Variants in PPFIA2 observed in about 807,000 individuals in gnomAD.
PPFIA2 encodes the protein PPFI scaffold protein A2, also known as liprin-alpha-2.
PPFIA2 carries 46 observed loss-of-function variants against 175.5 expected under a neutral mutation model. The observed-to-expected ratio is 0.26, with a 90% CI of 0.21 to 0.34. PPFIA2 has a LOEUF of 0.34. PPFIA2 is among the 10% of genes least tolerant of loss of function. PPFIA2 has a pLI of 1.00. For missense variants in PPFIA2, 1,179 were observed against 1,506.1 expected (o/e 0.78, Z 3.60); for synonymous variants, 568 against 511.4 (o/e 1.11, Z -1.49).
At chr12:81,577,530 A>G (rs768153861) in intron 4 of PPFIA2, among the ~76,000 whole-genome samples, 15 of 151,960 alleles carry the variant, frequency 9.9e-5, no homozygotes, top group Non-Finnish European at 2.1e-4. Flanking sequence ...CTGTTGACAA[A>G]CAACATAGAA....
chr12:81,384,280 T>A (rs1442378678), intron 8 of PPFIA2, 36 bp from the exon 9 acceptor site: 1 of 1,294,848 alleles, frequency 7.7e-7, no homozygotes, highest in Non-Finnish European at 1.0e-6. Context: ...ACTTAAGAAT[T>A]TTCATCTTTA....
intron 21 of PPFIA2, among the ~76,000 whole-genome samples, chr12:81,332,331 A>G (rs571199566): frequency 6.6e-6 from 1 of 151,926 alleles, no homozygotes; most frequent in Non-Finnish European, 1.5e-5. Context: ...TTCCTATTTA[A>G]CCACAGAAAA....
rs192789023 is a variant in PPFIA2 at position 81,631,759 on chromosome 12, T to C, written c.303+45032A>G. On this transcript the variant is annotated intron_variant, in intron 4 of 32. Coordinates refer to ENST00000549396, the MANE Select transcript of PPFIA2 (RefSeq NM_003625.5). ...TTGCAAATATATCCAAGAGCAAGAC[T>C]GGCTCTGACCTATTGGACTTACAGT... 2.4e-3 allele frequency among the ~76,000 whole-genome samples: 365 copies of C among 152,326 alleles called. 1 individual carries two copies. Among genetic ancestry groups the C allele is most frequent in the Admixed American group, 9.0e-3 (137 of 15,300 alleles).
chr12:81,411,601 C>A (rs1435872975), intron 7 of PPFIA2, among the ~76,000 whole-genome samples: 1 of 152,054 alleles, frequency 6.6e-6, no homozygotes, highest in East Asian at 1.9e-4. Flanking sequence ...TTTCTACCAG[C>A]TTGAACACTA....
intron 28 of PPFIA2, among the ~76,000 whole-genome samples, chr12:81,276,334 G>T (rs970395882): frequency 2.6e-5 from 4 of 152,116 alleles, no homozygotes; most frequent in Non-Finnish European, 5.9e-5. Context: ...ACATCATTCA[G>T]GGGATGGGTA....
chr12:81,702,446 A>T (rs569282821), intron 3 of PPFIA2, among the ~76,000 whole-genome samples: 1 of 152,270 alleles, frequency 6.6e-6, no homozygotes, highest in Non-Finnish European at 1.5e-5. Flanking sequence ...AATCTTGTCT[A>T]TATCACCAAA....
At position 81,281,303 on chromosome 12, in the gene PPFIA2, T is replaced by A; in HGVS notation, c.3166A>T (p.Lys1056Ter). 6.2e-7 allele frequency: 1 copy of A among 1,611,304 alleles called. No individual in the cohort carries two copies. The highest frequency in any genetic ancestry group is 8.5e-7 in the Non-Finnish European group (1 of 1,178,222). The change falls in exon 27 of 33, where the codon AAA (lysine) becomes TAA (stop). Residue 1056 changes from lysine to a stop codon, truncating the protein, a stop_gained. Transcript: ENST00000549396. LOFTEE classifies it high-confidence loss of function. ...TTTAAATGGACACGGAGATCTTTTT[T>A]TGTTAGGTGATCTAACATTCTTGCA... ...VDARMLDHLT[K>*]KDLRVHLKMV...
chr12:81,531,844 G>A (rs2064615325), intron 4 of PPFIA2, among the ~76,000 whole-genome samples: 1 of 151,752 alleles, frequency 6.6e-6, no homozygotes, highest in African/African-American at 2.4e-5. Flanking sequence ...AATAATAATG[G>A]TACTGGTAAG....
intron 15 of PPFIA2, among the ~76,000 whole-genome samples, chr12:81,361,276 A>C (rs2030143698): frequency 6.6e-6 from 1 of 151,678 alleles, no homozygotes; most frequent in African/African-American, 2.4e-5. Context: ...TTGATTTGAT[A>C]ATGCTTATTC....
At chr12:81,661,035 C>T (rs917663235) in intron 4 of PPFIA2, among the ~76,000 whole-genome samples, 39 of 152,190 alleles carry the variant, frequency 2.6e-4, no homozygotes, top group Non-Finnish European at 4.3e-4. Flanking sequence ...ACTAAAAGAG[C>T]TCCTGAAGGA....
intron 3 of PPFIA2, among the ~76,000 whole-genome samples, chr12:81,716,546 G>A (rs933081575): frequency 2.1e-5 from 3 of 145,680 alleles, no homozygotes; most frequent in Non-Finnish European, 4.6e-5. Context: ...TACTTGGAAA[G>A]TACCAACACA....
intron 4 of PPFIA2, among the ~76,000 whole-genome samples, chr12:81,638,751 G>T (rs1447243702): frequency 7.2e-6 from 1 of 138,794 alleles, no homozygotes; most frequent in African/African-American, 2.8e-5. Context: ...GCAGTGGCGG[G>T]ATCTCGGCTC....
chr12:81,593,459 C>T (rs1032712321), intron 4 of PPFIA2, among the ~76,000 whole-genome samples: 15 of 152,112 alleles, frequency 9.9e-5, no homozygotes, highest in Admixed American at 7.2e-4. Flanking sequence ...TAATTAGTTG[C>T]TTACTGTGTT....
At chr12:81,503,577 T>C (rs1326951739) in intron 4 of PPFIA2, among the ~76,000 whole-genome samples, 5 of 151,184 alleles carry the variant, frequency 3.3e-5, no homozygotes, top group Non-Finnish European at 7.4e-5. Context: ...TTTCATTCCA[T>C]GAGGAAATAA....
intron 3 of PPFIA2, among the ~76,000 whole-genome samples, chr12:81,753,158 C>T (rs2084094846): frequency 6.6e-6 from 1 of 152,120 alleles, no homozygotes. Context: ...TGGTCTCGAA[C>T]TCCTGAGCTC....
chr12:81,605,070 T>A (rs944328522), intron 4 of PPFIA2, among the ~76,000 whole-genome samples: 2 of 151,796 alleles, frequency 1.3e-5, no homozygotes, highest in African/African-American at 4.8e-5. Context: ...TTAGAGCCTA[T>A]GCTTTTATAT....
chr12:81,715,725 T>G (rs1042797561), intron 3 of PPFIA2, among the ~76,000 whole-genome samples: 21 of 151,828 alleles, frequency 1.4e-4, no homozygotes, highest in African/African-American at 3.4e-4. Context: ...CTATATCACA[T>G]AAAACAATCG....
chr12:81,503,550 T>TAA (rs11352249), intron 4 of PPFIA2, among the ~76,000 whole-genome samples: 3 of 122,936 alleles, frequency 2.4e-5, no homozygotes, highest in African/African-American at 2.8e-5. Context: ...GTTATTTTGC[T>TAA]AAAAAAAAAA....
chr12:81,263,503 T>C lies in PPFIA2; in HGVS notation c.3556-113A>G, dbSNP rs2036277487. On this transcript the variant is annotated intron_variant, in intron 30 of 32. Coordinates refer to ENST00000549396, the MANE Select transcript of PPFIA2 (RefSeq NM_003625.5). ...GATTATTTACATTTAGTCTGTCAAG[T>C]ATACGTATGGAATCACGCTTTATCA... is the stretch of plus-strand genomic sequence containing the variant. The C allele has an allele frequency of 3.3e-6, 3 of 900,854 alleles. No homozygotes were observed. The Admixed American group carries it at 8.2e-5, about 25-fold the overall frequency. 55.8% of individuals were successfully genotyped at this position (900,854 alleles called of 1,614,324 possible).
Sources: gnomAD v4.1 joint callset for allele counts (sites outside exome capture counted in the v4.1 genomes callset) on GRCh38, gnomAD v4.1.1 for gene constraint, MANE v1.5 for transcripts, NCBI Gene and HGNC (gene_info 2026-07-23, HGNC 2026-07-21) for gene names.